The following DGKB variants were observed in gnomAD, a reference collection of about 807,000 sequenced individuals.
DGKB encodes diacylglycerol kinase beta.
A neutral mutation model predicts 114.3 loss-of-function variants in DGKB; 67 were observed. The ratio of observed to expected loss-of-function variants is 0.59; its 90% CI spans 0.48 to 0.72. The LOEUF is 0.72. DGKB is among the 30% of genes least tolerant of loss of function. The pLI is 0.00. For synonymous variants in DGKB, 398 were observed against 323.1 expected, an observed-to-expected ratio of 1.23 and a Z score of -2.49; for missense variants, 907 against 975.2, an observed-to-expected ratio of 0.93 and a Z score of 0.93.
At chr7:14,971,657 G>C (rs1202967610) in intron 1 of DGKB, among the ~76,000 whole-genome samples, 1 of 151,708 alleles carries the variant, frequency 6.6e-6, no homozygotes, top group African/African-American at 2.4e-5. Context: ...CGTATCAAAT[G>C]CAACACTGTG....
At chr7:14,893,066 A>G (rs1781538204) in intron 1 of DGKB, among the ~76,000 whole-genome samples, 1 of 151,124 alleles carries the variant, frequency 6.6e-6, no homozygotes, top group African/African-American at 2.4e-5. Context: ...AGAAACATAA[A>G]AGCTGTTTCA....
chr7:14,320,673 C>G (rs566515422), intron 23 of DGKB, among the ~76,000 whole-genome samples: 1 of 152,002 alleles, frequency 6.6e-6, no homozygotes, highest in South Asian at 2.1e-4. Context: ...GGGCTGCTTG[C>G]ATTTCAGATT....
At chr7:14,374,991 T>C (rs139049104) in intron 21 of DGKB, among the ~76,000 whole-genome samples, 6 of 152,308 alleles carry the variant, frequency 3.9e-5, no homozygotes, top group Non-Finnish European at 8.8e-5. Context: ...TACCTAAAAA[T>C]TTCCTACTCA....
intron 1 of DGKB, among the ~76,000 whole-genome samples, chr7:14,865,646 C>G (rs1041274286): frequency 6.6e-6 from 1 of 152,140 alleles, no homozygotes; most frequent in Non-Finnish European, 1.5e-5. Context: ...TTGGTGGATT[C>G]TCTGTAGAAT....
chr7:14,770,108 C>T lies in DGKB; in HGVS notation c.71-12377G>A, dbSNP rs933456087. Among the ~76,000 whole-genome samples, 5 of 152,008 alleles carry T rather than the reference C, an allele frequency of 3.3e-5. No individual in the cohort carries two copies. The South Asian group carries it at 1.0e-3, about 31-fold the overall frequency. ...AACAAACCTTCTCTGATGCATAGCC[C>T]TAAAATCCTAATGGAATTTTGTAAA... On this transcript the variant is annotated intron_variant, in intron 2 of 25. Transcript: ENST00000402815.
At chr7:14,724,300 A>T (rs1829698258) in intron 5 of DGKB, among the ~76,000 whole-genome samples, 1 of 152,136 alleles carries the variant, frequency 6.6e-6, no homozygotes, top group Non-Finnish European at 1.5e-5. Context: ...ATATTTCATG[A>T]TTTTTACACT....
At chr7:14,292,415 C>T (rs1452487626) in intron 23 of DGKB, among the ~76,000 whole-genome samples, 1 of 152,168 alleles carries the variant, frequency 6.6e-6, no homozygotes, top group African/African-American at 2.4e-5. Flanking sequence ...TACTCCCATT[C>T]TGTGTCAGCT....
intron 2 of DGKB, among the ~76,000 whole-genome samples, chr7:14,835,723 C>A (rs1266499921): frequency 6.6e-6 from 1 of 152,102 alleles, no homozygotes; most frequent in Non-Finnish European, 1.5e-5. Flanking sequence ...ACCGAGATAT[C>A]GTATTATCTG....
intron 18 of DGKB, 45 bp from the exon 19 acceptor site, chr7:14,580,996 G>C: frequency 7.2e-7 from 1 of 1,396,812 alleles, no homozygotes; most frequent in South Asian, 1.3e-5. Flanking sequence ...TTTAAGTTCA[G>C]ATAAAACGAC....
At chr7:14,661,923 G>T (rs969127769) in intron 13 of DGKB, among the ~76,000 whole-genome samples, 2 of 152,106 alleles carry the variant, frequency 1.3e-5, no homozygotes, top group African/African-American at 4.8e-5. Flanking sequence ...GATGAAATTG[G>T]AAAGCATCAT....
intron 16 of DGKB, among the ~76,000 whole-genome samples, chr7:14,609,090 C>G (rs922445209): frequency 2.6e-5 from 4 of 151,982 alleles, no homozygotes; most frequent in African/African-American, 9.7e-5. Context: ...AACCAAAAAA[C>G]AGCCTGGATA....
chr7:14,465,149 T>A (rs1390949185), intron 21 of DGKB, among the ~76,000 whole-genome samples: 1 of 152,174 alleles, frequency 6.6e-6, no homozygotes, highest in Admixed American at 6.5e-5. Context: ...TGCATTTACC[T>A]CACTGATAGT....
chr7:14,338,463 C>A, intron 23 of DGKB, 52 bp downstream of exon 23: 2 of 1,192,810 alleles, frequency 1.7e-6, no homozygotes, highest in Non-Finnish European at 2.3e-6. Flanking sequence ...TTAAAGAAGC[C>A]TTTGAAAACA....
At chr7:14,940,481 C>T (rs889673577) in intron 1 of DGKB, among the ~76,000 whole-genome samples, 1 of 151,768 alleles carries the variant, frequency 6.6e-6, no homozygotes, top group African/African-American at 2.4e-5. Context: ...CTTAATTGGG[C>T]TGAAAGTTAA....
At chr7:14,544,225 C>T (rs1385548756) in intron 20 of DGKB, among the ~76,000 whole-genome samples, 2 of 152,104 alleles carry the variant, frequency 1.3e-5, no homozygotes, top group South Asian at 4.1e-4. Context: ...AAAATGTTCT[C>T]GCTTTTGTAG....
At chr7:14,186,806 G>C (rs1783508738) in intron 23 of DGKB, among the ~76,000 whole-genome samples, 1 of 152,134 alleles carries the variant, frequency 6.6e-6, no homozygotes, top group Non-Finnish European at 1.5e-5. Flanking sequence ...TGGATATGTG[G>C]GAGATAAGCT....
At chr7:14,916,386 C>T (rs768448098) in intron 1 of DGKB, among the ~76,000 whole-genome samples, 17 of 151,896 alleles carry the variant, frequency 1.1e-4, no homozygotes, top group Non-Finnish European at 1.5e-4. Flanking sequence ...GATCTAAATA[C>T]ATACAATAAA....
At chr7:14,308,791 A>G (rs80265096) in intron 23 of DGKB, among the ~76,000 whole-genome samples, 3,714 of 152,314 alleles carry the variant, frequency 0.024, 136 homozygotes, top group African/African-American at 0.084. Flanking sequence ...GGATAGAATG[A>G]GGTCTCCTTT....
Position 14,963,048 on chromosome 7 carries a change from C to T in DGKB, c.-188+11648G>A, listed in dbSNP as rs117083309. Among the ~76,000 whole-genome samples, 170 of 152,150 alleles carry T rather than the reference C, an allele frequency of 1.1e-3. 4 individuals are homozygous for T. The East Asian group carries it at 0.028, about 25-fold the overall frequency. On this transcript the variant is annotated intron_variant, in intron 1 of 4. Coordinates refer to the DGKB transcript ENST00000437998. ...TGCTTGTCTTATTCTCTCAAACTGT[C>T]TTTATAAAGCTAGAAACATTGACCA...
Sources: gnomAD v4.1 joint callset for allele counts (sites outside exome capture counted in the v4.1 genomes callset) on GRCh38, gnomAD v4.1.1 for gene constraint, MANE v1.5 for transcripts, NCBI Gene and HGNC (gene_info 2026-07-23, HGNC 2026-07-21) for gene names.